Variants in UBE2W observed in about 807,000 individuals in gnomAD.
The protein encoded by UBE2W is ubiquitin conjugating enzyme E2 W, also known as ubiquitin-conjugating enzyme E2 W.
UBE2W carries 18 observed loss-of-function variants against 27.2 expected under a neutral mutation model. The observed-to-expected ratio is 0.66, with a 90% confidence interval of 0.46 to 0.98. The LOEUF (loss-of-function observed/expected upper bound fraction) is 0.98. Ranked by LOEUF, UBE2W falls within the 50% of genes least tolerant of loss-of-function variation. The probability of loss-of-function intolerance (pLI) is 0.00; values close to 1 mark genes in which losing one functional copy is unlikely to be tolerated. For missense variants in UBE2W, 90 were observed against 180.2 expected, an observed-to-expected ratio of 0.50 and a Z score of 2.87; for synonymous variants, 53 against 57.2, an observed-to-expected ratio of 0.93 and a Z score of 0.33.
At position 73,790,855 on chromosome 8, in the gene UBE2W, G is replaced by A. The variant is rs903753388; in HGVS notation, c.*3247C>T. 3 of 984,966 alleles carry A rather than the reference G, an allele frequency of 3.0e-6. No individual in the cohort carries two copies. The African/African-American group carries it at 5.2e-5, about 17-fold the overall frequency. The allele number at this position is 984,966 out of a possible 1,614,324, so 61.0% of individuals were successfully genotyped here. ...TTTGATGCAACTTGGAAACAATTAA[G>A]CAGTCACTAGACACCTGTTTTAGAA... On this transcript the variant is annotated 3_prime_UTR_variant, in exon 6 of 6. Transcript: ENST00000602593.
In UBE2W at chr8:73,795,722, C is replaced by T. The variant is rs552015411; in HGVS notation, c.443-1607G>A. 1.2e-4 allele frequency: 106 copies of T among 878,262 alleles called. 1 individual carries two copies. Among genetic ancestry groups the T allele is most frequent in the Middle Eastern group, 5.8e-4 (1 of 1,728 alleles). The allele number at this position is 878,262 out of a possible 1,614,324, so 54.4% of individuals were successfully genotyped here. ...AATAAATCATCCCTAATTCATTAGA[C>T]GCCTTAAAATAAATAAGAATAGTAT... On this transcript the variant is annotated intron_variant, in intron 5 of 5. Transcript: ENST00000602593.
intron 4 of UBE2W, 35 bp from the exon 5 acceptor site, chr8:73,805,761 C>T: frequency 7.7e-7 from 1 of 1,295,606 alleles, no homozygotes; most frequent in Non-Finnish European, 1.0e-6. Flanking sequence ...GGTTGAAAAA[C>T]AGAAAAACTG....
chr8:73,860,511 A>G (rs1191197913), intron 1 of UBE2W, among the ~76,000 whole-genome samples: 1 of 152,176 alleles, frequency 6.6e-6, no homozygotes, highest in Admixed American at 6.5e-5. Context: ...TTAAAAATCT[A>G]ATAAAGACAA....
chr8:73,805,472 C>CAAACAAAAAAAAACAAACAAAAAAAA lies in UBE2W; in HGVS notation c.442+178_442+179insTTTTTTTTGTTTGTTTTTTTTTGTTT, dbSNP rs1254739442. Among the ~76,000 whole-genome samples, 8 of 43,694 alleles carry CAAACAAAAAAAAACAAACAAAAAAAA rather than the reference C, an allele frequency of 1.8e-4. No homozygotes were observed. In the Admixed American group the frequency reaches 2.3e-3, roughly 13 times the overall value. The allele number at this position is 43,694 out of a possible 152,430, so 28.7% of individuals were successfully genotyped here. ...TCCATCTCAAAAAAAAAAAAAAAAA[C>CAAACAAAAAAAAACAAACAAAAAAAA]AAAAAAAACTAGGGTAATTCATCCA... On this transcript the variant is annotated intron_variant, in intron 5 of 5. Coordinates refer to ENST00000602593, the MANE Select transcript of UBE2W (RefSeq NM_018299.6).
At chr8:73,878,224 T>C (rs1417939890) in intron 1 of UBE2W, among the ~76,000 whole-genome samples, 1 of 151,990 alleles carries the variant, frequency 6.6e-6, no homozygotes, top group Non-Finnish European at 1.5e-5. Flanking sequence ...AAATAGAAGA[T>C]ACCCACGGGC....
Position 73,793,478 on chromosome 8 carries a change from T to C in UBE2W, c.*624A>G, listed in dbSNP as rs1292069562. 2 of 985,738 alleles carry C rather than the reference T, an allele frequency of 2.0e-6. No homozygotes were observed. The highest frequency in any genetic ancestry group is 1.1e-4 in the East Asian group (1 of 8,834). 61.1% of individuals were successfully genotyped at this position (985,738 alleles called of 1,614,324 possible). The stretch of plus-strand genomic sequence containing the variant: ...TGAAAATCTTCCATGTCAAAACAAC[T>C]TGACAGTAGATATAAACAATTCAAT... On this transcript the variant is annotated 3_prime_UTR_variant, in exon 6 of 6. Coordinates refer to ENST00000602593, the MANE Select transcript of UBE2W (RefSeq NM_018299.6).
intron 1 of UBE2W, among the ~76,000 whole-genome samples, chr8:73,865,699 T>C (rs1811723533): frequency 6.6e-6 from 1 of 152,236 alleles, no homozygotes; most frequent in Non-Finnish European, 1.5e-5. Context: ...AAGTTTTCTT[T>C]TATCAGATCT....
At chr8:73,848,199 A>C (rs1810900659) in intron 1 of UBE2W, among the ~76,000 whole-genome samples, 1 of 152,050 alleles carries the variant, frequency 6.6e-6, no homozygotes, top group African/African-American at 2.4e-5. Flanking sequence ...TCTCAAAATA[A>C]ATAAGTAAAT....
At chr8:73,841,396 C>T (rs1330558185) in intron 1 of UBE2W, among the ~76,000 whole-genome samples, 1 of 152,088 alleles carries the variant, frequency 6.6e-6, no homozygotes, top group Non-Finnish European at 1.5e-5. Flanking sequence ...AACTGTTTTC[C>T]CTTTCAGGAA....
chr8:73,869,018 C>G (rs1586550228), intron 1 of UBE2W, among the ~76,000 whole-genome samples: 1 of 152,200 alleles, frequency 6.6e-6, no homozygotes, highest in African/African-American at 2.4e-5. Flanking sequence ...ACACAAATAT[C>G]TGATATTTAA....
intron 3 of UBE2W, among the ~76,000 whole-genome samples, chr8:73,815,616 T>G (rs865885701): frequency 5.9e-5 from 9 of 152,138 alleles, no homozygotes; most frequent in African/African-American, 2.2e-4. Flanking sequence ...TTTTCAAACA[T>G]CAAGCCCAAT....
intron 1 of UBE2W, among the ~76,000 whole-genome samples, chr8:73,865,900 T>A (rs780268586): frequency 7.9e-5 from 12 of 152,184 alleles, no homozygotes; most frequent in Non-Finnish European, 1.6e-4. Flanking sequence ...AGATGCCCTC[T>A]GGCTCAAAGG....
At chr8:73,802,467 G>A (rs1586450450) in intron 5 of UBE2W, among the ~76,000 whole-genome samples, 1 of 136,416 alleles carries the variant, frequency 7.3e-6, no homozygotes, top group African/African-American at 3.7e-5. Flanking sequence ...GTGCTTTAAA[G>A]TTAAAGAAGC....
At chr8:73,823,225 A>C (rs189750161) in intron 3 of UBE2W, among the ~76,000 whole-genome samples, 1 of 152,344 alleles carries the variant, frequency 6.6e-6, no homozygotes, top group East Asian at 1.9e-4. Context: ...AAATAGGACA[A>C]TAGGGAGAAT....
chr8:73,811,322 T>C (rs1284669144), intron 3 of UBE2W, among the ~76,000 whole-genome samples: 5 of 152,208 alleles, frequency 3.3e-5, no homozygotes, highest in Admixed American at 2.6e-4. Flanking sequence ...AGCAATGTTT[T>C]GAATGGTAAT....
At chr8:73,858,683 TAAAAA>T (rs34554998) in intron 1 of UBE2W, among the ~76,000 whole-genome samples, 20 of 134,294 alleles carry the variant, frequency 1.5e-4, no homozygotes, top group African/African-American at 4.2e-4. Flanking sequence ...GAAAAAGTGC[TAAAAA>T]AAAAAAAAAA....
At chr8:73,806,494 T>C (rs1349904314) in intron 4 of UBE2W, among the ~76,000 whole-genome samples, 1 of 143,370 alleles carries the variant, frequency 7.0e-6, no homozygotes, top group Non-Finnish European at 1.5e-5. Flanking sequence ...GGCCAGGAGA[T>C]CGAGACCATC....
At chr8:73,817,703 G>A (rs919164633) in intron 3 of UBE2W, among the ~76,000 whole-genome samples, 1 of 152,002 alleles carries the variant, frequency 6.6e-6, no homozygotes, top group Non-Finnish European at 1.5e-5. Flanking sequence ...TTTTTAGTAT[G>A]GGTTTCACCA....
rs1442403307 is a variant in UBE2W, at chr8:73,801,921, G to C, written c.442+3730C>G. Among the ~76,000 whole-genome samples the C allele has an allele frequency of 2.6e-5, 4 of 152,218 alleles. No homozygotes were observed. The South Asian group carries it at 8.3e-4, about 31-fold the overall frequency. ...TTTATTAGGTTCCTCAAAGGAGGGA[G>C]TACTTAACAAGGCTTTGGTGAAAGA... is the stretch of plus-strand genomic sequence containing the variant. On this transcript the variant is annotated intron_variant, in intron 5 of 5. Coordinates refer to ENST00000602593, the MANE Select transcript of UBE2W (RefSeq NM_018299.6).
Sources: allele counts gnomAD v4.1 joint callset (sites outside exome capture counted in the v4.1 genomes callset), GRCh38; gene constraint gnomAD v4.1.1; transcripts MANE v1.5; gene names NCBI Gene and HGNC (gene_info 2026-07-23, HGNC 2026-07-21).